Variants in PDGFRA observed in about 807,000 individuals in gnomAD.
PDGFRA encodes the protein platelet derived growth factor receptor alpha, also known as platelet-derived growth factor receptor alpha.
Under a neutral mutation model 121.5 loss-of-function variants are expected in PDGFRA, and 25 were observed. The ratio of observed to expected loss-of-function variants is 0.21; its 90% CI spans 0.15 to 0.29. The LOEUF is 0.29. PDGFRA is among the 10% of genes least tolerant of loss of function. PDGFRA has a pLI of 1.00. For missense variants in PDGFRA, 1,008 were observed against 1,345.1 expected, an observed-to-expected ratio of 0.75 and a Z score of 3.92; for synonymous variants, 463 against 494.8, an observed-to-expected ratio of 0.94 and a Z score of 0.85.
chr4:54,236,442 C>T (rs2110177248), intron 1 of PDGFRA, among the ~76,000 whole-genome samples: 1 of 152,288 alleles, frequency 6.6e-6, no homozygotes, highest in Admixed American at 6.5e-5. Flanking sequence ...TCATTACCTC[C>T]CTGTGGGGCA....
At chr4:54,287,697 G>A (rs1724424710) in intron 19 of PDGFRA, among the ~76,000 whole-genome samples, 156 bp downstream of exon 19, 1 of 152,208 alleles carries the variant, frequency 6.6e-6, no homozygotes, top group Admixed American at 6.5e-5. Flanking sequence ...GTGCCTTATT[G>A]TGTCTGAGAT....
At chr4:54,247,960 C>G (rs555330837) in intron 1 of PDGFRA, among the ~76,000 whole-genome samples, 3 of 152,244 alleles carry the variant, frequency 2.0e-5, no homozygotes, top group South Asian at 2.1e-4. Context: ...AGTGAACTCC[C>G]ATTCACAATT....
At chr4:54,256,030 G>T (rs1341103017) in intron 1 of PDGFRA, among the ~76,000 whole-genome samples, 2 of 152,038 alleles carry the variant, frequency 1.3e-5, no homozygotes, top group Non-Finnish European at 2.9e-5. Context: ...TTCCCAGGAG[G>T]TTAGGCATTT....
At chr4:54,229,443 G>C (rs1037506092) in intron 1 of PDGFRA, 28 bp downstream of exon 1, 3 of 394,806 alleles carry the variant, frequency 7.6e-6, no homozygotes, top group African/African-American at 2.1e-5. Context: ...ATGATTTTTT[G>C]TTTATAAGGG....
chr4:54,230,439 T>C (rs7673853), intron 1 of PDGFRA: 40,283 of 152,160 alleles, frequency 0.26, 5,852 homozygotes, highest in African/African-American at 0.37. Context: ...CGCCCCCGCC[T>C]GTCTTCCCGC....
rs2110300564 is a variant in PDGFRA, at chr4:54,274,946, G to A, written c.1759G>A (p.Glu587Lys). The A allele has an allele frequency of 6.2e-7, 1 of 1,614,148 alleles. No individual in the cohort carries two copies. Among genetic ancestry groups the A allele is most frequent in the Non-Finnish European group, 8.5e-7 (1 of 1,180,018 alleles). ...GCAGCTGCCTTATGACTCAAGATGG[G>A]AGTTTCCAAGAGATGGACTAGTGCT... is the stretch of plus-strand genomic sequence containing the variant. ...PMQLPYDSRW[E>K]FPRDGLVLGR... is the part of the protein sequence containing the mutation. Residue 587 changes from glutamate to lysine, a missense_variant, in exon 12 of 23, where the codon GAG becomes AAG. Physicochemically the swap from Glu to Lys is moderately conservative, Grantham distance 56. This residue lies in a region of PDGFRA where 61 missense variants were observed against 125.3 expected (regional missense o/e 0.49). Coordinates refer to ENST00000257290, the MANE Select transcript of PDGFRA (RefSeq NM_006206.6).
At chr4:54,253,877 G>A (rs1392758449) in intron 1 of PDGFRA, among the ~76,000 whole-genome samples, 1 of 152,056 alleles carries the variant, frequency 6.6e-6, no homozygotes, top group African/African-American at 2.4e-5. Context: ...TAGAGGTGGA[G>A]TTTCACCATG....
At chr4:54,234,516 T>A (rs145585700) in intron 1 of PDGFRA, among the ~76,000 whole-genome samples, 1,541 of 152,322 alleles carry the variant, frequency 0.01, 14 homozygotes, top group Middle Eastern at 0.034. Context: ...ATTTTTTATT[T>A]TTTATTTATT....
chr4:54,277,433 C>T lies in PDGFRA; in HGVS notation c.1832C>T (p.Thr611Ile), dbSNP rs1406857066. ...SGAFGKVVEG[T>I]AYGLSRSQPV... ...GCGTTTGGGAAGGTGGTTGAAGGAA[C>T]AGCCTATGGATTAAGCCGGTCCCAA... Residue 611 changes from threonine (T) to isoleucine (I), a missense_variant, in exon 13 of 23, where the codon ACA becomes ATA. Transcript: ENST00000257290. The T allele has an allele frequency of 6.2e-7, 1 of 1,613,986 alleles. No individual in the cohort carries two copies. The highest frequency in any genetic ancestry group is 8.5e-7 in the Non-Finnish European group (1 of 1,179,998).
At chr4:54,272,071 C>G (rs1180235210) in intron 8 of PDGFRA, among the ~76,000 whole-genome samples, 2 of 144,580 alleles carry the variant, frequency 1.4e-5, no homozygotes, top group Non-Finnish European at 3.0e-5. Context: ...CCTCAAACTC[C>G]TGGGCTCAAG....
intron 3 of PDGFRA, 54 bp from the exon 4 acceptor site, chr4:54,263,613 G>T (rs1019020879): frequency 5.8e-6 from 9 of 1,559,408 alleles, no homozygotes; most frequent in Non-Finnish European, 8.0e-6. Context: ...CTGGATTTAT[G>T]TGTAAAGGTG....
chr4:54,233,580 C>T (rs867520501), intron 1 of PDGFRA, among the ~76,000 whole-genome samples: 2 of 152,256 alleles, frequency 1.3e-5, no homozygotes, highest in African/African-American at 2.4e-5. Flanking sequence ...GGAGGCTAAT[C>T]TGGGTCACCT....
chr4:54,289,736 G>A (rs188792356), intron 21 of PDGFRA, among the ~76,000 whole-genome samples: 37 of 152,132 alleles, frequency 2.4e-4, no homozygotes, highest in African/African-American at 8.4e-4. Flanking sequence ...ATTGTGTGCC[G>A]AACTGGAAGT....
intron 1 of PDGFRA, chr4:54,239,983 T>G: frequency 5.8e-6 from 2 of 344,780 alleles, no homozygotes; most frequent in Non-Finnish European, 1.2e-5. Context: ...CCTGAGTAGC[T>G]GGGACTATAG....
At chr4:54,264,010 A>G (rs1416001451) in intron 4 of PDGFRA, 83 bp downstream of exon 4, 1 of 1,086,894 alleles carries the variant, frequency 9.2e-7, no homozygotes, top group East Asian at 2.5e-5. Context: ...TTTTTTTTTT[A>G]AATCATCATC....
intron 16 of PDGFRA, among the ~76,000 whole-genome samples, chr4:54,284,564 C>CAGAGAGAGAGAGAGAGAGAGAG (rs59292448): frequency 1.8e-4 from 10 of 55,950 alleles, no homozygotes; most frequent in African/African-American, 3.7e-4. Flanking sequence ...GAGAGAGAGA[C>CAGAGAGAGAGAGAGAGAGAGAG]AGAGAGAGAG....
chr4:54,279,076 T>C (rs1469302445), intron 15 of PDGFRA: 1 of 317,350 alleles, frequency 3.2e-6, no homozygotes, highest in Non-Finnish European at 6.4e-6. Flanking sequence ...AGGAATTGTA[T>C]GCCCAAGCCA....
chr4:54,241,294 C>T (rs770493668), intron 1 of PDGFRA, among the ~76,000 whole-genome samples: 13 of 151,750 alleles, frequency 8.6e-5, no homozygotes, highest in African/African-American at 1.2e-4. Flanking sequence ...AATATGAAGA[C>T]GTATTTTTGG....
At chr4:54,240,102 C>A in intron 1 of PDGFRA, 1 of 401,528 alleles carries the variant, frequency 2.5e-6, no homozygotes, top group South Asian at 1.8e-5. Flanking sequence ...ATCTGCCTGC[C>A]TCAGCTTCCC....
Sources: gnomAD v4.1 joint callset for allele counts (sites outside exome capture counted in the v4.1 genomes callset) on GRCh38, gnomAD v4.1.1 for gene constraint, gnomAD v4.1.1 regional missense constraint, MANE v1.5 for transcripts, NCBI Gene and HGNC (gene_info 2026-07-23, HGNC 2026-07-21) for gene names.